PCDH15: variants seen among roughly 807,000 people sequenced by gnomAD.
The protein encoded by PCDH15 is protocadherin related 15.
A neutral mutation model predicts 178.5 loss-of-function variants in PCDH15; 129 were observed. The ratio of observed to expected loss-of-function variants is 0.72; its 90% confidence interval spans 0.63 to 0.84. The LOEUF is 0.84. Ranked by LOEUF, PCDH15 falls within the 40% of genes least tolerant of loss-of-function variation. The probability of loss-of-function intolerance (pLI) is 0.00; values close to 1 mark genes in which losing one functional copy is unlikely to be tolerated. For missense variants in PCDH15, 2,230 were observed against 2,099.9 expected, an observed-to-expected ratio of 1.06 and a Z score of -1.21; for synonymous variants, 800 against 732.0, an observed-to-expected ratio of 1.09 and a Z score of -1.50.
chr10:54,914,399 A>G (rs1954868426), intron 2 of PCDH15, among the ~76,000 whole-genome samples: 1 of 152,088 alleles, frequency 6.6e-6, no homozygotes, highest in South Asian at 2.1e-4. Flanking sequence ...TTTTGCAATG[A>G]TGGGCCAGTT....
At chr10:55,207,833 G>T (rs758978224) in intron 1 of PCDH15, among the ~76,000 whole-genome samples, 27 of 151,996 alleles carry the variant, frequency 1.8e-4, no homozygotes, top group Non-Finnish European at 5.9e-5. Context: ...GCTGGGCGTG[G>T]TGGCACACAC....
intron 2 of PCDH15, among the ~76,000 whole-genome samples, chr10:54,583,324 A>C (rs942550921): frequency 6.6e-6 from 1 of 152,092 alleles, no homozygotes; most frequent in Non-Finnish European, 1.5e-5. Context: ...TGATTCTATA[A>C]TGTCTTTTAT....
chr10:54,939,494 C>CAAAAAACAAAAAAAAAAAAAAAAAAAA, intron 2 of PCDH15, among the ~76,000 whole-genome samples: 1 of 26,664 alleles, frequency 3.8e-5, no homozygotes, highest in Non-Finnish European at 8.0e-5. Flanking sequence ...GACTCCGTCT[C>CAAAAAACAAAAAAAAAAAAAAAAAAAA]AAAAAAAAAA....
chr10:54,537,293 C>T (rs201720746), intron 2 of PCDH15, among the ~76,000 whole-genome samples: 1 of 152,192 alleles, frequency 6.6e-6, no homozygotes, highest in East Asian at 1.9e-4. Flanking sequence ...GCCAACGCGA[C>T]CGGCCGCAAT....
intron 3 of PCDH15, among the ~76,000 whole-genome samples, chr10:54,873,739 T>C (rs921710825): frequency 3.4e-5 from 5 of 147,150 alleles, no homozygotes; most frequent in African/African-American, 4.9e-5. Flanking sequence ...TGTATATATG[T>C]ATGTATGTGT....
intron 15 of PCDH15, among the ~76,000 whole-genome samples, chr10:54,125,100 A>G (rs1025349660): frequency 1.9e-4 from 29 of 152,236 alleles, no homozygotes; most frequent in Non-Finnish European, 1.5e-5. Flanking sequence ...GCAAGCTGAC[A>G]AAACACCTTT....
chr10:54,771,265 G>A (rs561394064), intron 1 of PCDH15, among the ~76,000 whole-genome samples: 2 of 151,984 alleles, frequency 1.3e-5, no homozygotes, highest in South Asian at 2.1e-4. Context: ...AAAGAGAAAG[G>A]AGGAAAATAA....
chr10:55,442,469 A>ATT (rs1315341712), intron 2 of PCDH15, among the ~76,000 whole-genome samples: 1 of 68,694 alleles, frequency 1.5e-5, no homozygotes, highest in Non-Finnish European at 2.7e-5. Flanking sequence ...ATATATATAT[A>ATT]TTATATATAT....
chr10:54,996,297 C>T (rs60621934), intron 2 of PCDH15, among the ~76,000 whole-genome samples: 2,607 of 152,242 alleles, frequency 0.017, 86 homozygotes, highest in African/African-American at 0.058. Context: ...GTTTGGATGG[C>T]TGAGTGTCTT....
At chr10:54,277,792 G>C (rs1196606506) in intron 8 of PCDH15, among the ~76,000 whole-genome samples, 3 of 151,512 alleles carry the variant, frequency 2.0e-5, no homozygotes, top group Non-Finnish European at 4.4e-5. Flanking sequence ...AAACTAGGTG[G>C]GGAAATTTGG....
At chr10:55,451,559 T>C (rs1839436139) in intron 2 of PCDH15, among the ~76,000 whole-genome samples, 1 of 152,124 alleles carries the variant, frequency 6.6e-6, no homozygotes, top group African/African-American at 2.4e-5. Flanking sequence ...ACATTAAAAT[T>C]TAAACAAATA....
rs147850613 is a variant in PCDH15, at chr10:55,496,529, AG to A, written c.-156+131095del. Among the ~76,000 whole-genome samples the A allele has an allele frequency of 3.0e-4, 45 of 152,048 alleles. 1 individual carries two copies. In the East Asian group the frequency reaches 8.2e-3, roughly 28 times the overall value. On this transcript the variant is annotated intron_variant, in intron 2 of 5. Transcript: ENST00000613346. ...TTAGACAATTAAGTAACTACACTGT[AG>A]AAAATAGGAACCACGTTTTTAATGG...
chr10:54,002,127 T>C (rs533284765), intron 20 of PCDH15, among the ~76,000 whole-genome samples: 8 of 151,004 alleles, frequency 5.3e-5, no homozygotes, highest in Non-Finnish European at 1.0e-4. Context: ...TCAGTGTGTG[T>C]GTGTATATAT....
intron 3 of PCDH15, among the ~76,000 whole-genome samples, chr10:54,820,546 C>T (rs1370856395): frequency 6.6e-6 from 1 of 151,908 alleles, no homozygotes; most frequent in African/African-American, 2.4e-5. Flanking sequence ...TTAAATTCTG[C>T]CTTATTGACT....
intron 2 of PCDH15, among the ~76,000 whole-genome samples, chr10:55,377,157 A>G (rs1837412782): frequency 6.6e-6 from 1 of 151,150 alleles, no homozygotes; most frequent in Admixed American, 6.6e-5. Flanking sequence ...AAAAAAAAAA[A>G]AAAAAAGAAA....
At position 55,350,257 on chromosome 10, in the gene PCDH15, A is replaced by ATATATATATATATATATATG. The variant is rs1233086885; in HGVS notation, c.-155-183607_-155-183606insCATATATATATATATATATA. ...TATATATATATATATATATATATAT[A>ATATATATATATATATATATG]TATATATATATACACACACACACAC... On this transcript the variant is annotated intron_variant, in intron 2 of 5. Coordinates refer to the PCDH15 transcript ENST00000613346. Among the ~76,000 whole-genome samples, 3 of 67,096 alleles carry ATATATATATATATATATATG rather than the reference A, an allele frequency of 4.5e-5. No homozygotes were observed. In the East Asian group the frequency reaches 1.1e-3, roughly 24 times the overall value. 44.0% of individuals were successfully genotyped at this position (67,096 alleles called of 152,430 possible). A position where few individuals can be genotyped will look rare whatever the true frequency, so the allele number is the denominator to read the frequency against.
intron 11 of PCDH15, among the ~76,000 whole-genome samples, chr10:54,187,881 T>A (rs763979556): frequency 1.3e-5 from 2 of 151,834 alleles, no homozygotes; most frequent in Non-Finnish European, 3.0e-5. Context: ...TTCAACAAAT[T>A]GTCACTCAAT....
intron 6 of PCDH15, among the ~76,000 whole-genome samples, chr10:54,330,076 A>T (rs533929684): frequency 6.6e-6 from 1 of 152,012 alleles, no homozygotes; most frequent in Admixed American, 6.6e-5. Context: ...GCATTCAAAC[A>T]CTGAAATCTG....
intron 27 of PCDH15, among the ~76,000 whole-genome samples, chr10:53,861,482 GTTTCT>G (rs2079104382): frequency 6.6e-6 from 1 of 152,012 alleles, no homozygotes; most frequent in Admixed American, 6.6e-5. Flanking sequence ...ATTCTCATAA[GTTTCT>G]TTTCTTTCTT....
Sources: gnomAD v4.1 joint callset for allele counts (sites outside exome capture counted in the v4.1 genomes callset) on GRCh38, gnomAD v4.1.1 for gene constraint, MANE v1.5 for transcripts, NCBI Gene and HGNC (gene_info 2026-07-23, HGNC 2026-07-21) for gene names.